Variants in AGAP3 observed in about 807,000 individuals in gnomAD.
The protein encoded by AGAP3 is ArfGAP with GTPase domain, ankyrin repeat and PH domain 3.
In AGAP3, 24 loss-of-function variants were observed where a neutral mutation model predicts 96.9. That is an observed-to-expected ratio of 0.25 (90% CI 0.18 to 0.35). The LOEUF (loss-of-function observed/expected upper bound fraction) is 0.35, where lower values mean the gene tolerates loss of function less well. Among genes scored for constraint, AGAP3 ranks in the 10% least tolerant of loss-of-function variants. The probability of loss-of-function intolerance (pLI) is 1.00; values close to 1 mark genes in which losing one functional copy is unlikely to be tolerated. For missense variants in AGAP3, 876 were observed against 1,254.2 expected (o/e 0.70, Z 4.55); for synonymous variants, 563 against 536.1 (o/e 1.05, Z -0.69).
intron 1 of AGAP3, among the ~76,000 whole-genome samples, chr7:151,089,143 T>C (rs1798279557): frequency 6.6e-6 from 1 of 151,788 alleles, no homozygotes; most frequent in Non-Finnish European, 1.5e-5. Context: ...CCCACTTTTC[T>C]GCTGTAGGCA....
At chr7:151,138,972 GTTCTC>G (rs1037994385) in intron 12 of AGAP3, among the ~76,000 whole-genome samples, 1 of 152,134 alleles carries the variant, frequency 6.6e-6, no homozygotes. Flanking sequence ...TTGCCCCTTT[GTTCTC>G]TTTCTCTCTC....
chr7:151,116,739 G>C, intron 1 of AGAP3, 54 bp from the exon 2 acceptor site: 1 of 1,603,284 alleles, frequency 6.2e-7, no homozygotes, highest in Non-Finnish European at 8.5e-7. Flanking sequence ...AGCAGTGGTT[G>C]GGACAGGTGT....
At chr7:151,129,738 G>A (rs1311740277) in intron 10 of AGAP3, among the ~76,000 whole-genome samples, 3 of 148,512 alleles carry the variant, frequency 2.0e-5, no homozygotes, top group Non-Finnish European at 4.4e-5. Flanking sequence ...CCACTCGCGA[G>A]TCCTTGCGAG....
At chr7:151,105,213 C>T (rs533628249) in intron 1 of AGAP3, among the ~76,000 whole-genome samples, 11 of 152,338 alleles carry the variant, frequency 7.2e-5, no homozygotes, top group African/African-American at 2.4e-4. Flanking sequence ...TTCCTCTCCT[C>T]ATTCCAAGGG....
Position 151,139,796 on chromosome 7 carries a change from TGG to T in AGAP3, c.1667-180_1667-179del. Reference sequence around the variant, plus strand: ...TTTCCACATTTTCCTCCTCCAAGGCTGGGGAGCTTTGGGACTGGGAAGCCCAG... The same window carrying T: ...TTTCCACATTTTCCTCCTCCAAGGCTGGAGCTTTGGGACTGGGAAGCCCAG... On this transcript the variant is annotated intron_variant, in intron 12 of 17. Coordinates refer to ENST00000397238, the MANE Select transcript of AGAP3 (RefSeq NM_031946.7). The surrounding 1 kb of genome is among the most constrained non-coding windows in gnomAD (Gnocchi z 4.9). 1 of 469,140 alleles carries T rather than the reference TGG, an allele frequency of 2.1e-6. No homozygotes were observed. The highest frequency in any genetic ancestry group is 3.5e-6 in the Non-Finnish European group (1 of 281,904). The allele number at this position is 469,140 out of a possible 1,614,324, so 29.1% of individuals were successfully genotyped here.
At chr7:151,101,856 G>C (rs568808059) in intron 1 of AGAP3, among the ~76,000 whole-genome samples, 1 of 152,152 alleles carries the variant, frequency 6.6e-6, no homozygotes, top group African/African-American at 2.4e-5. Context: ...TCTGCCTCCC[G>C]TCCCTCTGTT....
At chr7:151,091,224 TG>T (rs796613634) in intron 1 of AGAP3, among the ~76,000 whole-genome samples, 1 of 152,098 alleles carries the variant, frequency 6.6e-6, no homozygotes, top group East Asian at 1.9e-4. Context: ...AGATGAGGAC[TG>T]GGGGGGTCTG....
rs368905910 is a variant in AGAP3, at chr7:151,122,568, TCTC to T, written c.1129-1222_1129-1220del. Among the ~76,000 whole-genome samples the T allele has an allele frequency of 2.8e-3, 429 of 150,728 alleles. 4 individuals are homozygous for T. The highest frequency in any genetic ancestry group is 9.9e-3 in the African/African-American group (406 of 40,994). On this transcript the variant is annotated intron_variant, in intron 8 of 17. Transcript: ENST00000397238. ...TCCTTCTCCTCCTCCTCCTTGTCCT[TCTC>T]CTCTTCCTCGTCCTTCTCCTCCTCC...
chr7:151,120,963 A>G (rs1242128183), intron 8 of AGAP3: 13 of 674,322 alleles, frequency 1.9e-5, no homozygotes, highest in Non-Finnish European at 2.4e-5. Flanking sequence ...TGGGCCAGAC[A>G]AAGGTGGGTG....
chr7:151,115,876 G>C (rs1799553516), intron 1 of AGAP3, among the ~76,000 whole-genome samples: 4 of 152,338 alleles, frequency 2.6e-5, no homozygotes, highest in South Asian at 4.1e-4. Flanking sequence ...ACCAGAGTCA[G>C]AGGGCTCTGG....
chr7:151,122,880 C>A, intron 8 of AGAP3: 2 of 1,554,632 alleles, frequency 1.3e-6, no homozygotes, highest in Admixed American at 2.0e-5. Context: ...AGATGAGAAG[C>A]GGCCGCCGAG....
intron 9 of AGAP3, among the ~76,000 whole-genome samples, chr7:151,128,136 G>A (rs562440464): frequency 1.4e-3 from 211 of 152,250 alleles, no homozygotes; most frequent in Middle Eastern, 3.4e-3. Context: ...CAGGAACTTA[G>A]CAAAATCTCT....
At chr7:151,120,497 C>T (rs1249989634) in intron 8 of AGAP3, 2 of 695,140 alleles carry the variant, frequency 2.9e-6, no homozygotes, top group East Asian at 8.7e-5. Context: ...GCCTAACTCC[C>T]CTGACCCCCT....
intron 1 of AGAP3, among the ~76,000 whole-genome samples, chr7:151,091,553 C>T (rs1798401034): frequency 6.6e-6 from 1 of 152,218 alleles, no homozygotes; most frequent in Non-Finnish European, 1.5e-5. Flanking sequence ...GAGAACGACT[C>T]AGCCTGTAGG....
chr7:151,103,448 C>A (rs561946225), intron 1 of AGAP3, among the ~76,000 whole-genome samples: 1 of 152,128 alleles, frequency 6.6e-6, no homozygotes, highest in African/African-American at 2.4e-5. Context: ...AGATTCCCCC[C>A]ACCCCCAGCT....
intron 1 of AGAP3, among the ~76,000 whole-genome samples, chr7:151,111,345 G>A (rs1377683626): frequency 5.3e-5 from 8 of 152,330 alleles, no homozygotes; most frequent in South Asian, 2.1e-4. Context: ...CACAAGCTCC[G>A]GCTTTCAGGA....
rs1175972096 is a variant in AGAP3 at position 151,142,055 on chromosome 7, G to C, written c.1959+3G>C. ...GCTGCCGCAGTGCCAAGGACAAGGTGGGTACAGAGTGACTGGGCCCACACA... is the reference window on the plus strand; with the variant it reads ...GCTGCCGCAGTGCCAAGGACAAGGTCGGTACAGAGTGACTGGGCCCACACA... On this transcript the variant is annotated splice_donor_region_variant and intron_variant, in intron 14 of 17. Transcript: ENST00000397238. The surrounding 1 kb of genome is among the most constrained non-coding windows in gnomAD (Gnocchi z 7.5). 10 of 1,612,356 alleles carry C rather than the reference G, an allele frequency of 6.2e-6. No individual in the cohort carries two copies. Among genetic ancestry groups the C allele is most frequent in the African/African-American group, 1.3e-5 (1 of 74,880 alleles).
intron 1 of AGAP3, chr7:151,112,390 C>G (rs1227989967): frequency 1.4e-5 from 2 of 139,334 alleles, no homozygotes; most frequent in African/African-American, 5.5e-5. Context: ...CCTGCCTTCC[C>G]CGAGACGTGT....
chr7:151,089,937 C>G (rs914861639), intron 1 of AGAP3: 15 of 152,132 alleles, frequency 9.9e-5, no homozygotes, highest in African/African-American at 3.4e-4. Context: ...AGAGTATAGG[C>G]CTTCAACAGG....
Sources: gnomAD v4.1 joint callset for allele counts (sites outside exome capture counted in the v4.1 genomes callset) on GRCh38, gnomAD v4.1.1 for gene constraint, Gnocchi (gnomAD v3.1) non-coding constraint, MANE v1.5 for transcripts, NCBI Gene and HGNC (gene_info 2026-07-23, HGNC 2026-07-21) for gene names.